The following KCNH5 variants were observed in gnomAD, a reference collection of about 807,000 sequenced individuals.
KCNH5 encodes the protein potassium voltage-gated channel subfamily H member 5, also known as voltage-gated delayed rectifier potassium channel KCNH5.
In KCNH5, 46 loss-of-function variants were observed where a neutral mutation model predicts 96.1. The ratio of observed to expected loss-of-function variants is 0.48; its 90% CI spans 0.38 to 0.61. KCNH5 has a LOEUF of 0.61. KCNH5 is among the 20% of genes least tolerant of loss of function. The pLI is 0.00. For synonymous variants in KCNH5, 439 were observed against 449.8 expected, an observed-to-expected ratio of 0.98 and a Z score of 0.30; for missense variants, 907 against 1,225.8, an observed-to-expected ratio of 0.74 and a Z score of 3.88.
At chr14:62,962,010 T>C (rs537776142) in intron 6 of KCNH5, among the ~76,000 whole-genome samples, 1 of 149,438 alleles carries the variant, frequency 6.7e-6, no homozygotes, top group East Asian at 2.0e-4. Context: ...GAGATGCAGA[T>C]GGAGATGGAG....
At chr14:62,889,712 CT>C (rs1250398078) in intron 7 of KCNH5, among the ~76,000 whole-genome samples, 12 of 152,200 alleles carry the variant, frequency 7.9e-5, no homozygotes, top group Admixed American at 7.9e-4. Flanking sequence ...TGAGAAAAAA[CT>C]TGGCTCATTA....
chr14:62,908,782 A>ATTTTTTTTTTTTTTTTTTTTT lies in KCNH5; in HGVS notation c.1369+41330_1369+41350dup, dbSNP rs71120241. On this transcript the variant is annotated intron_variant, in intron 7 of 10. Coordinates refer to ENST00000322893, the MANE Select transcript of KCNH5 (RefSeq NM_139318.5). The stretch of plus-strand genomic sequence containing the variant: ...TTGCCCTTTGTTGATTTTGCTTTGT[A>ATTTTTTTTTTTTTTTTTTTTT]TTTTTTTTTTTTTTTTTTTTTTTTT... 4.2e-4 allele frequency among the ~76,000 whole-genome samples: 10 copies of ATTTTTTTTTTTTTTTTTTTTT among 23,716 alleles called. 2 individuals are homozygous for ATTTTTTTTTTTTTTTTTTTTT. In the East Asian group the frequency reaches 6.7e-3, roughly 16 times the overall value. 15.6% of individuals were successfully genotyped at this position (23,716 alleles called of 152,430 possible).
At chr14:62,799,738 C>CAG (rs1886618954) in intron 9 of KCNH5, among the ~76,000 whole-genome samples, 1 of 125,220 alleles carries the variant, frequency 8.0e-6, no homozygotes, top group South Asian at 2.6e-4. Context: ...CACACACACA[C>CAG]ACACACATAT....
intron 10 of KCNH5, among the ~76,000 whole-genome samples, chr14:62,751,131 G>A (rs915789316): frequency 1.3e-5 from 2 of 152,156 alleles, no homozygotes; most frequent in African/African-American, 4.8e-5. Context: ...CAGAAAAAGA[G>A]AAGGAGCAAT....
intron 9 of KCNH5, among the ~76,000 whole-genome samples, chr14:62,787,323 A>G (rs1384320292): frequency 6.6e-6 from 1 of 152,238 alleles, no homozygotes. Flanking sequence ...ATCCAGAGCA[A>G]GGCCCTAACT....
At chr14:62,816,405 C>G (rs911889859) in intron 8 of KCNH5, among the ~76,000 whole-genome samples, 8 of 151,874 alleles carry the variant, frequency 5.3e-5, no homozygotes, top group African/African-American at 1.9e-4. Context: ...TCAAAGAGTA[C>G]AAGCTCTTCC....
In KCNH5 at chr14:62,895,334, CT is replaced by C. The variant is rs113031928; in HGVS notation, c.1370-45483del. ...AATAATAATTCATTCAGCATCATGA[CT>C]TTTTTTTTTTTTGAGACAAAGTTCT... On this transcript the variant is annotated intron_variant, in intron 7 of 10. Transcript: ENST00000322893. Among the ~76,000 whole-genome samples the C allele has an allele frequency of 8.6e-3, 1,244 of 144,310 alleles. 7 individuals are homozygous for C. The highest frequency in any genetic ancestry group is 0.025 in the African/African-American group (981 of 39,750). 94.7% of individuals were successfully genotyped at this position (144,310 alleles called of 152,430 possible).
At chr14:62,819,092 G>A (rs914736917) in intron 8 of KCNH5, among the ~76,000 whole-genome samples, 10 of 151,960 alleles carry the variant, frequency 6.6e-5, no homozygotes, top group South Asian at 6.2e-4. Context: ...TCAGCCTCCC[G>A]AGTAGCTGGG....
intron 9 of KCNH5, among the ~76,000 whole-genome samples, chr14:62,780,909 C>T (rs187276024): frequency 5.3e-5 from 8 of 152,198 alleles, no homozygotes; most frequent in Non-Finnish European, 1.0e-4. Context: ...AAACATCTTC[C>T]TAGAGGCACT....
At chr14:62,794,696 A>G (rs1886503976) in intron 9 of KCNH5, among the ~76,000 whole-genome samples, 1 of 152,108 alleles carries the variant, frequency 6.6e-6, no homozygotes, top group South Asian at 2.1e-4. Flanking sequence ...AAGTTTGTTA[A>G]GGAATATTAA....
chr14:62,705,818 G>A lies in KCNH5; in HGVS notation c.*1690C>T, dbSNP rs1884418822. The A allele has an allele frequency of 1.3e-5, 2 of 152,122 alleles. No homozygotes were observed. The highest frequency in any genetic ancestry group is 3.4e-3 in the Middle Eastern group (1 of 294). 9.4% of individuals were successfully genotyped at this position (152,122 alleles called of 1,614,324 possible). On this transcript the variant is annotated 3_prime_UTR_variant, in exon 11 of 11. Coordinates refer to ENST00000322893, the MANE Select transcript of KCNH5 (RefSeq NM_139318.5). ...GAGATAGAAAAGCTCATACAAATGGGTATAATAGATCAAGATATCTCCTTC... is the reference window on the plus strand; with the variant it reads ...GAGATAGAAAAGCTCATACAAATGGATATAATAGATCAAGATATCTCCTTC...
intron 2 of KCNH5, among the ~76,000 whole-genome samples, chr14:63,014,478 T>A (rs1454689389): frequency 6.6e-6 from 1 of 152,064 alleles, no homozygotes; most frequent in Non-Finnish European, 1.5e-5. Flanking sequence ...AGAGCTAATA[T>A]AACACACCAG....
chr14:62,715,832 AAGGGAGGGAGGGACTG>A (rs1319220503), intron 10 of KCNH5, among the ~76,000 whole-genome samples: 2 of 151,950 alleles, frequency 1.3e-5, no homozygotes, highest in East Asian at 3.9e-4. Context: ...GAAAGGGAGG[AAGGGAGGGAGGGACTG>A]AGGGAGGGAG....
chr14:62,731,378 A>G (rs1412433225), intron 10 of KCNH5, among the ~76,000 whole-genome samples: 2 of 151,984 alleles, frequency 1.3e-5, no homozygotes, highest in Non-Finnish European at 2.9e-5. Context: ...AATCACATTG[A>G]TGGGGAAGAA....
At chr14:63,041,546 A>T (rs1891824532) in intron 1 of KCNH5, among the ~76,000 whole-genome samples, 1 of 152,108 alleles carries the variant, frequency 6.6e-6, no homozygotes, top group Non-Finnish European at 1.5e-5. Flanking sequence ...TTATACTTTA[A>T]ACTTTACAAC....
intron 1 of KCNH5, among the ~76,000 whole-genome samples, chr14:63,027,472 T>C (rs998937540): frequency 6.9e-6 from 1 of 144,700 alleles, no homozygotes; most frequent in African/African-American, 2.7e-5. Context: ...AAACTTCAAG[T>C]TGGTTTGAAA....
chr14:62,794,497 C>T lies in KCNH5; in HGVS notation c.1822+7832G>A, dbSNP rs116717135. ...CTTACTAGCTGTGACCCAGGGAGAACCACTTGATATTACAGAGTTTCAGTT... is the reference window on the plus strand; with the variant it reads ...CTTACTAGCTGTGACCCAGGGAGAATCACTTGATATTACAGAGTTTCAGTT... On this transcript the variant is annotated intron_variant, in intron 9 of 10. Transcript: ENST00000322893. Among the ~76,000 whole-genome samples the T allele has an allele frequency of 5.4e-3, 820 of 151,710 alleles. 9 individuals carry two copies. Among genetic ancestry groups the T allele is most frequent in the African/African-American group, 0.019 (768 of 41,390 alleles).
chr14:62,939,950 AT>A (rs1889757562), intron 7 of KCNH5, among the ~76,000 whole-genome samples: 1 of 152,040 alleles, frequency 6.6e-6, no homozygotes, highest in Non-Finnish European at 1.5e-5. Flanking sequence ...CAAAAAAAAA[AT>A]TTTTTCAGGA....
rs1350639472 is a variant in KCNH5 at position 62,707,558 on chromosome 14, C to T, written c.2917G>A (p.Val973Ile). The T allele has an allele frequency of 6.7e-7, 1 of 1,502,664 alleles. No homozygotes were observed. The highest frequency in any genetic ancestry group is 2.3e-5 in the East Asian group (1 of 43,666). The allele number at this position is 1,502,664 out of a possible 1,614,324, so 93.1% of individuals were successfully genotyped here. A position where few individuals can be genotyped will look rare whatever the true frequency, so the allele number is the denominator to read the frequency against. ...PQIPCQDIFS[V>I]SRPESPESDK... ...GATTCAGGTGATTCAGGCCTTGAGA[C>T]ACTAAAAATATCCTGACATGGTATC... Residue 973 changes from valine (V) to isoleucine (I), a missense_variant, in exon 11 of 11, where the codon GTC (valine) becomes ATC (isoleucine). Physicochemically the swap from Val to Ile is conservative, Grantham distance 29. This residue lies in a region of KCNH5 where 362 missense variants were observed against 394.4 expected (regional missense o/e 0.92). Transcript: ENST00000322893.
Sources: gnomAD v4.1 joint callset for allele counts (sites outside exome capture counted in the v4.1 genomes callset) on GRCh38, gnomAD v4.1.1 for gene constraint, gnomAD v4.1.1 regional missense constraint, MANE v1.5 for transcripts, NCBI Gene and HGNC (gene_info 2026-07-23, HGNC 2026-07-21) for gene names.